CCM2: variants seen among roughly 807,000 people sequenced by gnomAD.
The protein encoded by CCM2 is cerebral cavernous malformations 2 protein.
CCM2 carries 25 observed loss-of-function variants against 44.9 expected under a neutral mutation model. The ratio of observed to expected loss-of-function variants is 0.56; its 90% CI spans 0.41 to 0.78. CCM2 has a LOEUF of 0.78. CCM2 is among the 30% of genes least tolerant of loss of function. CCM2 has a pLI of 0.00. For synonymous variants in CCM2, 219 were observed against 241.1 expected (o/e 0.91, Z 0.85); for missense variants, 481 against 580.6 (o/e 0.83, Z 1.76).
At chr7:45,036,907 C>T (rs963179113) in intron 1 of CCM2, among the ~76,000 whole-genome samples, 1 of 152,146 alleles carries the variant, frequency 6.6e-6, no homozygotes, top group Admixed American at 6.6e-5. Context: ...TCACCCTATC[C>T]TGGCAGGCAC....
intron 1 of CCM2, chr7:45,027,252 C>A: frequency 3.5e-6 from 1 of 287,842 alleles, no homozygotes; most frequent in Non-Finnish European, 6.8e-6. Flanking sequence ...CGCGTGTTTC[C>A]ACCCTTCGTA....
At chr7:45,034,200 A>C (rs1294966) in intron 1 of CCM2, among the ~76,000 whole-genome samples, 131,875 of 151,998 alleles carry the variant, frequency 0.87, 57,523 homozygotes, top group African/African-American at 0.96. Context: ...GCAAGCTCTT[A>C]TGGAAGCACT....
At chr7:45,065,350 C>T (rs75933901) in intron 4 of CCM2, among the ~76,000 whole-genome samples, 1,571 of 152,276 alleles carry the variant, frequency 0.01, 25 homozygotes, top group African/African-American at 0.036. Flanking sequence ...TCCTGAGTTT[C>T]GAGGCTGGTG....
chr7:45,038,439 G>A lies in CCM2; in HGVS notation c.204+13G>A, dbSNP rs1267107208. The stretch of plus-strand genomic sequence containing the variant: ...GAAGGAGGTAAAGGTAAGTCGTCAT[G>A]GGCCACAGGACGTGCCTGCCAAACG... On this transcript the variant is annotated intron_variant, in intron 2 of 9. Coordinates refer to ENST00000258781, the MANE Select transcript of CCM2 (RefSeq NM_031443.4). 6.2e-7 allele frequency: 1 copy of A among 1,613,662 alleles called. No individual in the cohort carries two copies. Among genetic ancestry groups the A allele is most frequent in the East Asian group, 2.2e-5 (1 of 44,884 alleles).
rs1178920246 is a variant in CCM2 at position 45,072,395 on chromosome 7, G to A, written c.746-331G>A. ...ATATGCCTGGGTTAAAGGAGACAAA[G>A]CCCCAGTAACCCTGCCTGGCACATG... On this transcript the variant is annotated intron_variant, in intron 6 of 9. Coordinates refer to ENST00000258781, the MANE Select transcript of CCM2 (RefSeq NM_031443.4). 3 of 469,826 alleles carry A rather than the reference G, an allele frequency of 6.4e-6. No individual in the cohort carries two copies. In the East Asian group the frequency reaches 1.3e-4, roughly 20 times the overall value. 29.1% of individuals were successfully genotyped at this position (469,826 alleles called of 1,614,324 possible). A position where few individuals can be genotyped will look rare whatever the true frequency, so the allele number is the denominator to read the frequency against.
At chr7:45,008,670 A>G (rs534249296) in intron 1 of CCM2, among the ~76,000 whole-genome samples, 3 of 152,274 alleles carry the variant, frequency 2.0e-5, no homozygotes, top group South Asian at 2.1e-4. Context: ...CCAAGGGTAC[A>G]TGTTCTTAAT....
intron 1 of CCM2, among the ~76,000 whole-genome samples, chr7:45,030,905 G>A (rs1020731851): frequency 1.3e-5 from 2 of 151,756 alleles, no homozygotes; most frequent in Middle Eastern, 6.8e-3. Flanking sequence ...TGTATTTTTA[G>A]TAGAGACGGG....
chr7:45,014,962 G>A (rs560515344), intron 1 of CCM2, among the ~76,000 whole-genome samples: 99 of 152,298 alleles, frequency 6.5e-4, no homozygotes, highest in African/African-American at 2.1e-3. Context: ...ATAGCACCAA[G>A]AATATTCATG....
Position 45,075,808 on chromosome 7 carries a change from C to G in CCM2, c.1086C>G (p.Ser362Arg). The change falls in exon 10 of 10, where the codon AGC (serine) becomes AGG (arginine). Residue 362 changes from serine (S) to arginine (R), a missense_variant. By Grantham distance (110) the Ser-to-Arg change is moderately radical (BLOSUM62 -1). Transcript: ENST00000258781. Reference protein sequence around the residue: ...GLRPFIPEKDSQHFENFLETI... With the variant: ...GLRPFIPEKDRQHFENFLETI... ...GGCCCTTCATCCCTGAGAAGGACAG[C>G]CAGCACTTCGAGAACTTCCTGGAGA... The G allele has an allele frequency of 6.2e-7, 1 of 1,613,758 alleles. No homozygotes were observed. Among genetic ancestry groups the G allele is most frequent in the Non-Finnish European group, 8.5e-7 (1 of 1,180,018 alleles).
At chr7:45,012,405 A>T (rs1054812888) in intron 1 of CCM2, among the ~76,000 whole-genome samples, 9 of 152,066 alleles carry the variant, frequency 5.9e-5, no homozygotes, top group Non-Finnish European at 1.3e-4. Context: ...AAGTGCTGGG[A>T]TTACAGGTGT....
intron 1 of CCM2, among the ~76,000 whole-genome samples, chr7:45,008,020 G>T (rs1262672052): frequency 1.3e-5 from 2 of 149,408 alleles, no homozygotes; most frequent in Non-Finnish European, 3.0e-5. Context: ...TTCCCTTGTT[G>T]GTTTATGTGG....
chr7:45,012,437 A>G (rs186471873), intron 1 of CCM2, among the ~76,000 whole-genome samples: 36 of 152,136 alleles, frequency 2.4e-4, no homozygotes, highest in African/African-American at 8.4e-4. Flanking sequence ...CCCAGCCCAT[A>G]ATGTCTTGTT....
In CCM2 at chr7:45,009,329, A is replaced by G. The variant is rs1234529495; in HGVS notation, c.30+8966A>G. On this transcript the variant is annotated intron_variant, in intron 1 of 9. Coordinates refer to ENST00000258781, the MANE Select transcript of CCM2 (RefSeq NM_031443.4). ...AAAAAAAAAAAAAAAAAAATTTTTG[A>G]GTACACCAAAGTTGAAAGAATTTTG... Among the ~76,000 whole-genome samples the G allele has an allele frequency of 2.1e-5, 3 of 142,418 alleles. No homozygotes were observed. In the East Asian group the frequency reaches 6.1e-4, roughly 29 times the overall value. The allele number at this position is 142,418 out of a possible 152,430, so 93.4% of individuals were successfully genotyped here.
chr7:45,064,171 T>G (rs1429297240), intron 3 of CCM2, among the ~76,000 whole-genome samples, 170 bp downstream of exon 3: 1 of 152,184 alleles, frequency 6.6e-6, no homozygotes, highest in African/African-American at 2.4e-5. Flanking sequence ...AAGTTGATTC[T>G]CGACACTTGC....
intron 1 of CCM2, among the ~76,000 whole-genome samples, chr7:45,020,355 T>A (rs1796435961): frequency 6.6e-6 from 1 of 152,174 alleles, no homozygotes; most frequent in African/African-American, 2.4e-5. Context: ...GAATAAGAAC[T>A]TCTTTGGGTT....
chr7:45,073,772 G>T (rs1799206594), intron 8 of CCM2: 12 of 592,536 alleles, frequency 2.0e-5, no homozygotes, highest in South Asian at 4.0e-5. Context: ...GTGGGGCTGA[G>T]TTGGGAGTGC....
intron 8 of CCM2, 132 bp from the exon 9 acceptor site, chr7:45,074,138 C>G: frequency 6.5e-7 from 1 of 1,540,258 alleles, no homozygotes; most frequent in Non-Finnish European, 8.7e-7. Flanking sequence ...ATTCTGATGC[C>G]CCAGCCTGTG....
intron 2 of CCM2, among the ~76,000 whole-genome samples, chr7:45,060,036 C>T (rs1798449499): frequency 1.3e-5 from 2 of 152,222 alleles, no homozygotes. Context: ...ATTTTACCTA[C>T]ATTTATTTCT....
chr7:45,076,278 C>G lies in CCM2; in HGVS notation c.*221C>G. The G allele has an allele frequency of 1.4e-6, 1 of 720,996 alleles. No homozygotes were observed. Among genetic ancestry groups the G allele is most frequent in the Non-Finnish European group, 2.4e-6 (1 of 408,588 alleles). The allele number at this position is 720,996 out of a possible 1,614,324, so 44.7% of individuals were successfully genotyped here. On this transcript the variant is annotated 3_prime_UTR_variant, in exon 10 of 10. Coordinates refer to ENST00000258781, the MANE Select transcript of CCM2 (RefSeq NM_031443.4). Reference sequence around the variant, plus strand: ...GTGGAAGGCTCTTTGCCTTGTCCACCAGGGCTCAGCCAAGCCCTGCAGTGT... The same window carrying G: ...GTGGAAGGCTCTTTGCCTTGTCCACGAGGGCTCAGCCAAGCCCTGCAGTGT...
Sources: allele counts gnomAD v4.1 joint callset (sites outside exome capture counted in the v4.1 genomes callset), GRCh38; gene constraint gnomAD v4.1.1; transcripts MANE v1.5; gene names NCBI Gene and HGNC (gene_info 2026-07-23, HGNC 2026-07-21).